Variants in ALG6 observed in about 807,000 individuals in gnomAD.
ALG6 encodes the protein dolichyl pyrophosphate Man9GlcNAc2 alpha-1,3-glucosyltransferase.
In ALG6, 46 loss-of-function variants were observed where a neutral mutation model predicts 66.6. The observed-to-expected ratio is 0.69, with a 90% CI of 0.55 to 0.88. The LOEUF (loss-of-function observed/expected upper bound fraction) is 0.88. Ranked by LOEUF, ALG6 falls within the 40% of genes least tolerant of loss-of-function variation. ALG6 has a pLI of 0.00. For missense variants in ALG6, 505 were observed against 586.8 expected, an observed-to-expected ratio of 0.86 and a Z score of 1.44; for synonymous variants, 185 against 203.7, an observed-to-expected ratio of 0.91 and a Z score of 0.78.
At chr1:63,383,433 A>C (rs1444327820) in intron 2 of ALG6, among the ~76,000 whole-genome samples, 1 of 151,778 alleles carries the variant, frequency 6.6e-6, no homozygotes, top group Non-Finnish European at 1.5e-5. Context: ...TTTATTTTTT[A>C]GATACAGTAT....
intron 11 of ALG6, among the ~76,000 whole-genome samples, chr1:63,418,506 T>A (rs1383100852): frequency 6.6e-6 from 1 of 151,802 alleles, no homozygotes; most frequent in Non-Finnish European, 1.5e-5. Context: ...GTGAGGGAGA[T>A]ACAAGAGATG....
At chr1:63,409,586 A>G (rs1192775814) in intron 7 of ALG6, among the ~76,000 whole-genome samples, 1 of 152,040 alleles carries the variant, frequency 6.6e-6, no homozygotes, top group Non-Finnish European at 1.5e-5. Flanking sequence ...AGAATTTACT[A>G]CTTTTTGTTT....
At chr1:63,384,740 TC>T (rs1648446410) in intron 2 of ALG6, among the ~76,000 whole-genome samples, 1 of 152,188 alleles carries the variant, frequency 6.6e-6, no homozygotes, top group South Asian at 2.1e-4. Flanking sequence ...GACTCTCTTT[TC>T]CCCAGTGTAT....
At chr1:63,422,066 TATAAATATCTATATAA>T (rs2100430889) in intron 12 of ALG6, among the ~76,000 whole-genome samples, 1 of 138,062 alleles carries the variant, frequency 7.2e-6, no homozygotes, top group African/African-American at 2.7e-5. Flanking sequence ...TATCTATTTA[TATAAATATCTATATAA>T]ATAAATATAT....
chr1:63,405,598 G>T (rs551145161), intron 5 of ALG6, among the ~76,000 whole-genome samples: 36 of 152,180 alleles, frequency 2.4e-4, no homozygotes, highest in Non-Finnish European at 1.3e-4. Context: ...CCACTCTTTT[G>T]GGTGTGTTCC....
chr1:63,426,861 A>G (rs916630351), intron 12 of ALG6, among the ~76,000 whole-genome samples: 5 of 152,134 alleles, frequency 3.3e-5, no homozygotes, highest in Admixed American at 3.3e-4. Flanking sequence ...TTTTTTGTCA[A>G]TGCTTGTGTT....
At chr1:63,372,522 T>C (rs1647963867) in intron 2 of ALG6, among the ~76,000 whole-genome samples, 1 of 145,292 alleles carries the variant, frequency 6.9e-6, no homozygotes, top group African/African-American at 2.5e-5. Context: ...CCTATATATG[T>C]GTGTGTCTGT....
At chr1:63,405,506 C>T (rs1272320924) in intron 5 of ALG6, among the ~76,000 whole-genome samples, 1 of 152,116 alleles carries the variant, frequency 6.6e-6, no homozygotes, top group Admixed American at 6.6e-5. Flanking sequence ...CACCTCTTCT[C>T]TAAGTTAAAG....
At chr1:63,427,417 C>T (rs888340471) in intron 12 of ALG6, among the ~76,000 whole-genome samples, 1 of 151,748 alleles carries the variant, frequency 6.6e-6, no homozygotes, top group Admixed American at 6.6e-5. Flanking sequence ...GGGAGAATGC[C>T]CAAATCTTTA....
At chr1:63,374,522 G>A (rs111448234) in intron 2 of ALG6, among the ~76,000 whole-genome samples, 2,131 of 152,080 alleles carry the variant, frequency 0.014, 49 homozygotes, top group African/African-American at 0.049. Context: ...CAGCTATTCC[G>A]GAGGATGAGG....
intron 2 of ALG6, among the ~76,000 whole-genome samples, chr1:63,386,319 G>T (rs994252355): frequency 2.0e-5 from 3 of 152,006 alleles, no homozygotes; most frequent in East Asian, 1.9e-4. Context: ...GTTATTAGGA[G>T]TACTGGGCTC....
At chr1:63,404,421 T>G in intron 4 of ALG6, 32 bp from the exon 5 acceptor site, 1 of 1,502,580 alleles carries the variant, frequency 6.7e-7, no homozygotes, top group Middle Eastern at 1.7e-4. Context: ...GGATGAGGAA[T>G]GAAGTATCTG....
intron 3 of ALG6, among the ~76,000 whole-genome samples, chr1:63,398,345 A>C (rs940450197): frequency 2.0e-5 from 3 of 152,234 alleles, no homozygotes; most frequent in African/African-American, 7.2e-5. Context: ...TAGAAGTGGA[A>C]GCTCTAAAGT....
At chr1:63,371,347 C>A in intron 2 of ALG6, 1 of 388,000 alleles carries the variant, frequency 2.6e-6, no homozygotes, top group East Asian at 5.9e-5. Flanking sequence ...AATGAGCTAG[C>A]ACTTCAAGGG....
At chr1:63,393,239 G>C (rs141518082) in intron 2 of ALG6, among the ~76,000 whole-genome samples, 1 of 152,114 alleles carries the variant, frequency 6.6e-6, no homozygotes, top group Non-Finnish European at 1.5e-5. Flanking sequence ...CCCAGCCAAA[G>C]AATACACATG....
intron 14 of ALG6, among the ~76,000 whole-genome samples, chr1:63,434,598 C>G (rs1436922740): frequency 2.2e-5 from 3 of 133,634 alleles, no homozygotes; most frequent in African/African-American, 8.0e-5. Context: ...TTCTTAAAAC[C>G]TGGAGTTTTT....
intron 2 of ALG6, among the ~76,000 whole-genome samples, chr1:63,372,268 A>G (rs1647953304): frequency 6.6e-6 from 1 of 152,162 alleles, no homozygotes; most frequent in African/African-American, 2.4e-5. Flanking sequence ...AAAATAACTT[A>G]TGTTAGTGAA....
In ALG6 at chr1:63,422,168, T is replaced by G. The variant is rs1266068808; in HGVS notation, c.1058+2728T>G. On this transcript the variant is annotated intron_variant, in intron 12 of 14. Coordinates refer to ENST00000263440, the MANE Select transcript of ALG6 (RefSeq NM_013339.4). The stretch of plus-strand genomic sequence containing the variant: ...ATATAAATATAAATATATATATAAC[T>G]ATGAATTTATATTTATATAAATATA... Among the ~76,000 whole-genome samples the G allele has an allele frequency of 2.0e-3, 238 of 121,864 alleles. 4 individuals carry two copies. The highest frequency in any genetic ancestry group is 7.4e-3 in the African/African-American group (230 of 30,882). 79.9% of individuals were successfully genotyped at this position (121,864 alleles called of 152,430 possible).
At chr1:63,415,645 T>C (rs532257452) in intron 10 of ALG6, among the ~76,000 whole-genome samples, 1 of 151,662 alleles carries the variant, frequency 6.6e-6, no homozygotes, top group Admixed American at 6.6e-5. Flanking sequence ...AGTTTTATCA[T>C]GTTTGGTCTA....
Sources: allele counts gnomAD v4.1 joint callset (sites outside exome capture counted in the v4.1 genomes callset), GRCh38; gene constraint gnomAD v4.1.1; transcripts MANE v1.5; gene names NCBI Gene and HGNC (gene_info 2026-07-23, HGNC 2026-07-21).